The following NIPA2 variants were observed in gnomAD, a reference collection of about 807,000 sequenced individuals.
The protein encoded by NIPA2 is NIPA magnesium transporter 2, also known as magnesium transporter NIPA2.
A neutral mutation model predicts 29.7 loss-of-function variants in NIPA2; 11 were observed. That is an observed-to-expected ratio of 0.37 (90% CI 0.23 to 0.61). The LOEUF (loss-of-function observed/expected upper bound fraction) is 0.61, where lower values mean the gene tolerates loss of function less well. Among genes scored for constraint, NIPA2 ranks in the 20% least tolerant of loss-of-function variants. NIPA2 has a pLI of 0.66. For synonymous variants in NIPA2, 183 were observed against 161.9 expected, an observed-to-expected ratio of 1.13 and a Z score of -0.99; for missense variants, 426 against 437.9, an observed-to-expected ratio of 0.97 and a Z score of 0.24.
chr15:22,849,356 T>A (rs987728345), intron 3 of NIPA2, among the ~76,000 whole-genome samples: 1 of 151,368 alleles, frequency 6.6e-6, no homozygotes, highest in Non-Finnish European at 1.5e-5. Flanking sequence ...CAAGACGGGG[T>A]CTCCAAACTC....
chr15:22,857,488 C>T (rs2058272260), intron 5 of NIPA2, among the ~76,000 whole-genome samples: 1 of 151,634 alleles, frequency 6.6e-6, no homozygotes, highest in Admixed American at 6.6e-5. Context: ...GTTTTGCACC[C>T]TGCTGTATAT....
At position 22,860,572 on chromosome 15, in the gene NIPA2, T is replaced by C. The variant is rs2058549685; in HGVS notation, c.288-57T>C. ...ATTTAAATTACGAGTTTTATTGATA[T>C]TTGAAAAAGGAAAGTAGCTGATTAA... is the stretch of plus-strand genomic sequence containing the variant. On this transcript the variant is annotated intron_variant, in intron 6 of 7. Transcript: ENST00000337451. 5 of 1,120,180 alleles carry C rather than the reference T, an allele frequency of 4.5e-6. No individual in the cohort carries two copies. In the South Asian group the frequency reaches 4.8e-5, roughly 11 times the overall value. The allele number at this position is 1,120,180 out of a possible 1,614,324, so 69.4% of individuals were successfully genotyped here. A position where few individuals can be genotyped will look rare whatever the true frequency, so the allele number is the denominator to read the frequency against.
At position 22,848,495 on chromosome 15, in the gene NIPA2, A is replaced by G. The variant is rs555384165; in HGVS notation, c.-93-3144A>G. On this transcript the variant is annotated intron_variant, in intron 3 of 7. Transcript: ENST00000337451. ...CTTCTGCCTCAGCCTCCTGGTGTGTACCACTGTATCTGGCTGTTTTTAAGG... is the reference window on the plus strand; with the variant it reads ...CTTCTGCCTCAGCCTCCTGGTGTGTGCCACTGTATCTGGCTGTTTTTAAGG... Among the ~76,000 whole-genome samples the G allele has an allele frequency of 7.1e-4, 108 of 152,046 alleles. 3 individuals are homozygous for G. The South Asian group carries it at 0.022, about 31-fold the overall frequency.
At chr15:22,859,227 A>G (rs2058434535) in intron 6 of NIPA2, among the ~76,000 whole-genome samples, 1 of 151,490 alleles carries the variant, frequency 6.6e-6, no homozygotes, top group Non-Finnish European at 1.5e-5. Context: ...TCATCCCAGT[A>G]TTTATCATTC....
rs191927388 is a variant in NIPA2, at chr15:22,841,958, A to C, written c.-216+2168A>C. ...TTGTTCTTTTCAAAAAGCTCTTTGA[A>C]GCTTCTACTCAAGTGTTACTGCTCA... On this transcript the variant is annotated intron_variant, in intron 2 of 7. Coordinates refer to ENST00000337451, the MANE Select transcript of NIPA2 (RefSeq NM_030922.7). Among the ~76,000 whole-genome samples the C allele has an allele frequency of 2.0e-5, 3 of 152,274 alleles. No homozygotes were observed. The East Asian group carries it at 5.8e-4, about 29-fold the overall frequency.
chr15:22,858,712 C>A, intron 6 of NIPA2, 82 bp downstream of exon 6: 2 of 824,614 alleles, frequency 2.4e-6, no homozygotes, highest in East Asian at 3.1e-5. Context: ...TAAATATGTT[C>A]AACACAATTT....
At position 22,851,855 on chromosome 15, in the gene NIPA2, G is replaced by C. The variant is rs766628968; in HGVS notation, c.124G>C (p.Gly42Arg). ...GGGCCTCCTTCGACTTGCCAGGAAA[G>C]GCTCTATGAGAGCAGGTAGGTTATG... is the stretch of plus-strand genomic sequence containing the variant. ...KKGLLRLARK[G>R]SMRAGQGGHA... is the part of the protein sequence containing the mutation. Residue 42 changes from glycine to arginine, a missense_variant, in exon 4 of 8, where the codon GGC becomes CGC. Around this residue, in one of 3 missense-constraint regions of NIPA2, gnomAD observed 57 missense variants for 66.6 expected, o/e 0.86. Transcript: ENST00000337451. 1.2e-6 allele frequency: 2 copies of C among 1,613,408 alleles called. No individual in the cohort carries two copies. Among genetic ancestry groups the C allele is most frequent in the Non-Finnish European group, 1.7e-6 (2 of 1,179,740 alleles).
At chr15:22,848,335 T>A (rs1280936274) in intron 3 of NIPA2, among the ~76,000 whole-genome samples, 1 of 152,056 alleles carries the variant, frequency 6.6e-6, no homozygotes, top group Non-Finnish European at 1.5e-5. Flanking sequence ...CTATAAAACA[T>A]CGGTTACATT....
rs1555387456 is a variant in NIPA2 at position 22,862,049 on chromosome 15, C to CTCTTTTTTTTT, written c.448+1261_448+1262insCTTTTTTTTTT. 2.0e-3 allele frequency among the ~76,000 whole-genome samples: 209 copies of CTCTTTTTTTTT among 103,938 alleles called. 1 individual carries two copies. Among genetic ancestry groups the CTCTTTTTTTTT allele is most frequent in the South Asian group, 3.6e-3 (10 of 2,754 alleles). 68.2% of individuals were successfully genotyped at this position (103,938 alleles called of 152,430 possible). On this transcript the variant is annotated intron_variant, in intron 7 of 7. Coordinates refer to ENST00000337451, the MANE Select transcript of NIPA2 (RefSeq NM_030922.7). ...ACCATGCCTCGCCTGATGGGTCTCT[C>CTCTTTTTTTTT]TTTTTTTTTTTTTTTGAGACAGAGT...
At position 22,866,902 on chromosome 15, in the gene NIPA2, A is replaced by C; in HGVS notation, c.*55A>C. 1 of 1,437,822 alleles carries C rather than the reference A, an allele frequency of 7.0e-7. No homozygotes were observed. Among genetic ancestry groups the C allele is most frequent in the Non-Finnish European group, 9.4e-7 (1 of 1,067,406 alleles). The allele number at this position is 1,437,822 out of a possible 1,614,324, so 89.1% of individuals were successfully genotyped here. Reference sequence around the variant, plus strand: ...TTGTTATGAAGTGAATTTGAATATCATCAGAATGTGTCTGAAAAAACATTG... The same window carrying C: ...TTGTTATGAAGTGAATTTGAATATCCTCAGAATGTGTCTGAAAAAACATTG... On this transcript the variant is annotated 3_prime_UTR_variant, in exon 8 of 8. Transcript: ENST00000337451.
Position 22,867,736 on chromosome 15 carries a change from A to G in NIPA2, c.*889A>G, listed in dbSNP as rs2059215080. 1 of 152,226 alleles carries G rather than the reference A, an allele frequency of 6.6e-6. No individual in the cohort carries two copies. The highest frequency in any genetic ancestry group is 1.5e-5 in the Non-Finnish European group (1 of 68,066). 9.4% of individuals were successfully genotyped at this position (152,226 alleles called of 1,614,324 possible). ...GTTGAAATGAAGTTCTTATTCTAAAAGTCTGAATGCTTAGAACAAACTTAA... is the reference window on the plus strand; with the variant it reads ...GTTGAAATGAAGTTCTTATTCTAAAGGTCTGAATGCTTAGAACAAACTTAA... On this transcript the variant is annotated 3_prime_UTR_variant, in exon 8 of 8. Coordinates refer to ENST00000337451, the MANE Select transcript of NIPA2 (RefSeq NM_030922.7).
chr15:22,859,583 T>C (rs1003986384), intron 6 of NIPA2, among the ~76,000 whole-genome samples: 8 of 152,216 alleles, frequency 5.3e-5, no homozygotes, highest in African/African-American at 9.6e-5. Flanking sequence ...TGAGCCACTG[T>C]GCCCGGCCAA....
In NIPA2 at chr15:22,866,612, T is replaced by C. The variant is rs2059094423; in HGVS notation, c.848T>C (p.Leu283Ser). 1 of 1,614,194 alleles carries C rather than the reference T, an allele frequency of 6.2e-7. No homozygotes were observed. The highest frequency in any genetic ancestry group is 8.5e-7 in the Non-Finnish European group (1 of 1,180,022). The change falls in exon 8 of 8, where the codon TTG becomes TCG. Residue 283 changes from leucine to serine, a missense_variant. Physicochemically the swap from Leu to Ser is moderately radical, Grantham distance 145. Around this residue, in one of 3 missense-constraint regions of NIPA2, gnomAD observed 357 missense variants for 339.8 expected, o/e 1.05. Coordinates refer to ENST00000337451, the MANE Select transcript of NIPA2 (RefSeq NM_030922.7). The part of the protein sequence containing the change: ...DMPVDDVIGT[L>S]SGFFTIIVGI... The stretch of plus-strand genomic sequence containing the variant: ...CCTGTTGACGATGTCATTGGTACTT[T>C]GAGTGGCTTCTTTACAATCATTGTG...
At position 22,866,793 on chromosome 15, in the gene NIPA2, A is replaced by G; in HGVS notation, c.1029A>G (p.Glu343=). 6.2e-7 allele frequency: 1 copy of G among 1,611,622 alleles called. No homozygotes were observed. Among genetic ancestry groups the G allele is most frequent in the South Asian group, 1.1e-5 (1 of 90,624 alleles). The part of the protein sequence containing the change: ...NNEESLTCGI[E]QHTGENVSRR... Reference sequence around the variant, plus strand: ...AAGAAAGCTTAACCTGTGGAATCGAACAACACACTGGTGAAAATGTCTCCC... The same window carrying G: ...AAGAAAGCTTAACCTGTGGAATCGAGCAACACACTGGTGAAAATGTCTCCC... The change falls in exon 8 of 8, where the codon GAA becomes GAG. Residue 343 remains glutamate (E), a synonymous_variant. Coordinates refer to ENST00000337451, the MANE Select transcript of NIPA2 (RefSeq NM_030922.7).
rs2059114419 is a variant in NIPA2 at position 22,866,760 on chromosome 15, T to TAATAATA, written c.1002_1003insAAATAAT (p.Glu335LysfsTer2). On this transcript the variant is annotated frameshift_variant, in exon 8 of 8. Coordinates refer to ENST00000337451, the MANE Select transcript of NIPA2 (RefSeq NM_030922.7). LOFTEE classifies it high-confidence loss of function. ...TCTCTAATATGTATGAAGTTCTTAA[T>TAATAATA]AATAATGAAGAAAGCTTAACCTGTG... is the stretch of plus-strand genomic sequence containing the variant. The TAATAATA allele has an allele frequency of 6.2e-7, 1 of 1,613,798 alleles. No individual in the cohort carries two copies. Among genetic ancestry groups the TAATAATA allele is most frequent in the African/African-American group, 1.3e-5 (1 of 75,018 alleles).
At chr15:22,863,216 T>C (rs1371187439) in intron 7 of NIPA2, among the ~76,000 whole-genome samples, 1 of 152,044 alleles carries the variant, frequency 6.6e-6, no homozygotes, top group Non-Finnish European at 1.5e-5. Context: ...GTAGTTGCGA[T>C]GACAGGCATG....
At chr15:22,846,840 A>AATTATTATT (rs66795943) in intron 3 of NIPA2, among the ~76,000 whole-genome samples, 3,755 of 134,918 alleles carry the variant, frequency 0.028, 68 homozygotes, top group Admixed American at 0.057. Context: ...TAATAATAAT[A>AATTATTATT]ATTATTATTA....
chr15:22,839,486 CGA>C (rs765835529), intron 1 of NIPA2, among the ~76,000 whole-genome samples, 167 bp from the exon 2 acceptor site: 12 of 152,100 alleles, frequency 7.9e-5, no homozygotes, highest in Admixed American at 2.0e-4. Flanking sequence ...ATATCAGAGT[CGA>C]GAGTTTCCAT....
In NIPA2 at chr15:22,839,795, G is replaced by A. The variant is rs1896519270; in HGVS notation, c.-216+5G>A. 2 of 152,132 alleles carry A rather than the reference G, an allele frequency of 1.3e-5. 1 individual carries two copies. The highest frequency in any genetic ancestry group is 2.9e-5 in the Non-Finnish European group (2 of 68,026). 9.4% of individuals were successfully genotyped at this position (152,132 alleles called of 1,614,324 possible). ...GAGACCATATTAAACTTACATGTAAGTTAAAATTGTAATTTATAACTAATA... is the reference window on the plus strand; with the variant it reads ...GAGACCATATTAAACTTACATGTAAATTAAAATTGTAATTTATAACTAATA... On this transcript the variant is annotated splice_donor_5th_base_variant and intron_variant, in intron 2 of 7. Transcript: ENST00000337451.
Sources: allele counts gnomAD v4.1 joint callset (sites outside exome capture counted in the v4.1 genomes callset), GRCh38; gene constraint gnomAD v4.1.1; regional missense constraint gnomAD v4.1.1; transcripts MANE v1.5; gene names NCBI Gene and HGNC (gene_info 2026-07-23, HGNC 2026-07-21).